The following NLGN1 variants were observed in gnomAD, a reference collection of about 807,000 sequenced individuals.
NLGN1 encodes neuroligin-1.
NLGN1 carries 12 observed loss-of-function variants against 65.5 expected under a neutral mutation model. The ratio of observed to expected loss-of-function variants is 0.18; its 90% CI spans 0.12 to 0.30. NLGN1 has a LOEUF of 0.30. Among genes scored for constraint, NLGN1 ranks in the 10% least tolerant of loss-of-function variants. The pLI, the probability that NLGN1 is intolerant of heterozygous loss-of-function variation, is 1.00. For missense variants in NLGN1, 750 were observed against 1,007.1 expected (o/e 0.74, Z 3.46); for synonymous variants, 350 against 359.5 (o/e 0.97, Z 0.30).
intron 4 of NLGN1, among the ~76,000 whole-genome samples, chr3:173,834,646 A>G (rs1578694533): frequency 6.6e-6 from 1 of 152,312 alleles, no homozygotes; most frequent in Middle Eastern, 3.4e-3. Flanking sequence ...AGCTTTACAC[A>G]TACTATCTCA....
chr3:174,023,187 T>C (rs1176431836), intron 4 of NLGN1, among the ~76,000 whole-genome samples: 2 of 152,148 alleles, frequency 1.3e-5, no homozygotes, highest in Non-Finnish European at 2.9e-5. Context: ...TGGGTACCTA[T>C]TGAATGCCAG....
chr3:173,996,940 C>A (rs1722392877), intron 4 of NLGN1, among the ~76,000 whole-genome samples: 1 of 152,106 alleles, frequency 6.6e-6, no homozygotes, highest in South Asian at 2.1e-4. Context: ...ACCACTTTAA[C>A]AGGGCGTAAT....
intron 1 of NLGN1, among the ~76,000 whole-genome samples, chr3:173,424,062 T>G (rs1321564971): frequency 6.6e-6 from 1 of 152,202 alleles, no homozygotes; most frequent in African/African-American, 2.4e-5. Context: ...CTGAACACCA[T>G]GTGGAAGCCA....
At chr3:173,994,037 C>T (rs1010358039) in intron 4 of NLGN1, among the ~76,000 whole-genome samples, 1 of 151,844 alleles carries the variant, frequency 6.6e-6, no homozygotes, top group African/African-American at 2.4e-5. Context: ...AAGTAGATTG[C>T]CATAAAGGAT....
At chr3:174,186,838 T>C (rs888771995) in intron 4 of NLGN1, among the ~76,000 whole-genome samples, 1 of 151,956 alleles carries the variant, frequency 6.6e-6, no homozygotes, top group African/African-American at 2.4e-5. Flanking sequence ...AAGAATATGG[T>C]CATCACTGAA....
intron 2 of NLGN1, among the ~76,000 whole-genome samples, chr3:173,450,707 C>T (rs147798657): frequency 0.051 from 7,697 of 152,288 alleles, 270 homozygotes; most frequent in Middle Eastern, 0.16. Flanking sequence ...AACAATCAGA[C>T]GTAGTTTTGG....
chr3:173,676,465 A>G (rs1368279760), intron 3 of NLGN1, among the ~76,000 whole-genome samples: 2 of 152,214 alleles, frequency 1.3e-5, no homozygotes, highest in East Asian at 3.8e-4. Context: ...AATTGCTAAT[A>G]TAAAGAATAT....
chr3:173,468,509 A>G (rs1299653001), intron 2 of NLGN1, among the ~76,000 whole-genome samples: 5 of 152,210 alleles, frequency 3.3e-5, no homozygotes, highest in African/African-American at 1.2e-4. Context: ...GCCATCAAAT[A>G]CACAAATCTG....
At chr3:174,289,137 AGTAATAGAGACAGTGT>A (rs1163663462), downstream of NLGN1, among the ~76,000 whole-genome samples, 10 of 151,480 alleles carry the variant, frequency 6.6e-5, no homozygotes, top group East Asian at 2.0e-3. Context: ...CCAGAATAAT[AGTAATAGAGACAGTGT>A]GTAAAGTACT....
chr3:173,473,836 C>A (rs1396124292), intron 2 of NLGN1, among the ~76,000 whole-genome samples: 13 of 152,340 alleles, frequency 8.5e-5, no homozygotes, highest in Middle Eastern at 3.4e-3. Flanking sequence ...TGCACTACAG[C>A]TGCTAGATGC....
intron 4 of NLGN1, among the ~76,000 whole-genome samples, chr3:174,234,507 C>A (rs1213256432): frequency 2.6e-5 from 4 of 152,132 alleles, no homozygotes; most frequent in Admixed American, 2.6e-4. Flanking sequence ...AGTTAAACTC[C>A]ACGATTTTGC....
intron 4 of NLGN1, among the ~76,000 whole-genome samples, chr3:174,016,432 A>C (rs571560918): frequency 6.6e-6 from 1 of 152,322 alleles, no homozygotes; most frequent in South Asian, 2.1e-4. Flanking sequence ...GAATAAGTAC[A>C]TCTCGGAAAG....
At chr3:173,745,731 G>T (rs1269122603) in intron 3 of NLGN1, among the ~76,000 whole-genome samples, 1 of 152,096 alleles carries the variant, frequency 6.6e-6, no homozygotes, top group Non-Finnish European at 1.5e-5. Context: ...GATGCAATAT[G>T]CCATGGCTAT....
At chr3:174,221,581 A>C (rs74456371) in intron 4 of NLGN1, among the ~76,000 whole-genome samples, 2 of 149,310 alleles carry the variant, frequency 1.3e-5, no homozygotes, top group African/African-American at 4.9e-5. Context: ...TAGATAAGTT[A>C]TACTTAAATA....
chr3:173,396,376 GTT>G (rs1161764576), upstream of NLGN1: 2 of 152,068 alleles, frequency 1.3e-5, no homozygotes, highest in Admixed American at 1.3e-4. Context: ...GTCCCCTCCC[GTT>G]TACAGAAGCA....
intron 3 of NLGN1, among the ~76,000 whole-genome samples, chr3:173,731,677 C>G (rs1198720822): frequency 6.6e-6 from 1 of 151,914 alleles, no homozygotes; most frequent in East Asian, 1.9e-4. Context: ...AAACATTTTT[C>G]ATTATTGCAT....
chr3:173,976,225 A>G (rs988522778), intron 4 of NLGN1, among the ~76,000 whole-genome samples: 3 of 152,108 alleles, frequency 2.0e-5, no homozygotes, highest in Non-Finnish European at 4.4e-5. Context: ...TATTTTTGTA[A>G]GACATTTATT....
At chr3:173,534,464 T>A (rs1348739103) in intron 2 of NLGN1, among the ~76,000 whole-genome samples, 1 of 152,174 alleles carries the variant, frequency 6.6e-6, no homozygotes, top group Non-Finnish European at 1.5e-5. Context: ...AATCATTTCT[T>A]TCTGTCTCTC....
chr3:173,448,714 C>T (rs1720873092), intron 2 of NLGN1, among the ~76,000 whole-genome samples: 1 of 152,122 alleles, frequency 6.6e-6, no homozygotes, highest in South Asian at 2.1e-4. Context: ...GGTTGGTAAG[C>T]TATTAATTAT....
Sources: allele counts gnomAD v4.1 joint callset (sites outside exome capture counted in the v4.1 genomes callset), GRCh38; gene constraint gnomAD v4.1.1; transcripts MANE v1.5; gene names NCBI Gene and HGNC (gene_info 2026-07-23, HGNC 2026-07-21).